SOX5: variants seen among roughly 807,000 people sequenced by gnomAD.
SOX5 encodes the protein transcription factor SOX-5.
In SOX5, 9 loss-of-function variants were observed where a neutral mutation model predicts 92.0. That is an observed-to-expected ratio of 0.10 (90% confidence interval 0.06 to 0.17). The LOEUF (loss-of-function observed/expected upper bound fraction) is 0.17. SOX5 is among the 10% of genes least tolerant of loss of function. The pLI, the probability that SOX5 is intolerant of heterozygous loss-of-function variation, is 1.00. For missense variants in SOX5, 642 were observed against 944.5 expected (o/e 0.68, Z 4.20); for synonymous variants, 344 against 336.3 (o/e 1.02, Z -0.25).
At chr12:24,528,699 C>A (rs1950924664) in intron 1 of SOX5, among the ~76,000 whole-genome samples, 1 of 152,192 alleles carries the variant, frequency 6.6e-6, no homozygotes, top group African/African-American at 2.4e-5. Flanking sequence ...CTGACCAGTT[C>A]TCTTACTTAT....
At position 23,860,952 on chromosome 12, in the gene SOX5, T is replaced by TAAAAAAAAAAAA. The variant is rs71059935; in HGVS notation, c.271-14771_271-14760dup. Among the ~76,000 whole-genome samples the TAAAAAAAAAAAA allele has an allele frequency of 7.8e-4, 36 of 45,892 alleles. No homozygotes were observed. In the East Asian group the frequency reaches 7.9e-3, roughly 10 times the overall value. The allele number at this position is 45,892 out of a possible 152,430, so 30.1% of individuals were successfully genotyped here. A position where few individuals can be genotyped will look rare whatever the true frequency, so the allele number is the denominator to read the frequency against. ...ATTTTGAAACACAAAGTATATTTTG[T>TAAAAAAAAAAAA]AAAAAAAAAAAAAAAAAAAAAAAAA... On this transcript the variant is annotated intron_variant, in intron 2 of 14. Transcript: ENST00000451604.
chr12:24,514,027 T>G (rs1469265029), intron 1 of SOX5, among the ~76,000 whole-genome samples: 1 of 152,188 alleles, frequency 6.6e-6, no homozygotes, highest in Non-Finnish European at 1.5e-5. Flanking sequence ...CTACTATCTC[T>G]TCTACAGGAC....
At chr12:24,228,115 G>C (rs534776524) in intron 3 of SOX5, among the ~76,000 whole-genome samples, 3 of 152,146 alleles carry the variant, frequency 2.0e-5, no homozygotes, top group African/African-American at 7.2e-5. Context: ...GTCTCAGAGA[G>C]AGCTCTAGAT....
rs553470468 is a variant in SOX5, at chr12:24,079,686, T to A, written c.-2+133657A>T. 2.5e-3 allele frequency among the ~76,000 whole-genome samples: 385 copies of A among 152,044 alleles called. 2 individuals are homozygous for A. Among genetic ancestry groups the A allele is most frequent in the African/African-American group, 8.8e-3 (365 of 41,514 alleles). On this transcript the variant is annotated intron_variant, in intron 4 of 4. Coordinates refer to the SOX5 transcript ENST00000446891. ...AGTCATTAAATTAATATAGTATCAA[T>A]ATACAGACAAAGTATCAATATATAG...
chr12:24,111,394 G>A (rs1218110893), intron 4 of SOX5, among the ~76,000 whole-genome samples: 2 of 152,100 alleles, frequency 1.3e-5, no homozygotes, highest in Non-Finnish European at 2.9e-5. Context: ...CAGATCTTGT[G>A]CTTACCAAGT....
chr12:23,619,913 C>T (rs2076979531), intron 8 of SOX5, among the ~76,000 whole-genome samples: 1 of 152,008 alleles, frequency 6.6e-6, no homozygotes, highest in African/African-American at 2.4e-5. Flanking sequence ...TTATAAAATG[C>T]CAGTTTCATT....
intron 4 of SOX5, among the ~76,000 whole-genome samples, chr12:23,963,908 T>C (rs1292077525): frequency 6.6e-6 from 1 of 152,012 alleles, no homozygotes; most frequent in Non-Finnish European, 1.5e-5. Context: ...TTATAACTAG[T>C]TAATAAAACA....
chr12:24,485,356 T>G (rs779594216), intron 1 of SOX5, among the ~76,000 whole-genome samples: 2 of 152,184 alleles, frequency 1.3e-5, no homozygotes, highest in Non-Finnish European at 2.9e-5. Flanking sequence ...TTACCAGTAT[T>G]TCAGATTAGG....
At chr12:23,558,317 T>C (rs1945595643) in intron 11 of SOX5, among the ~76,000 whole-genome samples, 1 of 152,196 alleles carries the variant, frequency 6.6e-6, no homozygotes, top group Non-Finnish European at 1.5e-5. Context: ...AAGATGTTCA[T>C]ATAACCCAGT....
chr12:24,258,996 A>G (rs1941677409), intron 3 of SOX5, among the ~76,000 whole-genome samples: 1 of 152,210 alleles, frequency 6.6e-6, no homozygotes, highest in Non-Finnish European at 1.5e-5. Context: ...TCCAGGATGG[A>G]AGACACTATC....
rs1298535852 is a variant in SOX5 at position 23,533,883 on chromosome 12, T to C, written c.*336A>G. ...CTGAGTGAGAATTTCTAGAACATTGTAGAACAAACAGCCATAAAGTTTATT... is the reference window on the plus strand; with the variant it reads ...CTGAGTGAGAATTTCTAGAACATTGCAGAACAAACAGCCATAAAGTTTATT... On this transcript the variant is annotated 3_prime_UTR_variant, in exon 15 of 15. Transcript: ENST00000451604. 5.1e-6 allele frequency: 1 copy of C among 196,448 alleles called. No individual in the cohort carries two copies. Among genetic ancestry groups the C allele is most frequent in the African/African-American group, 2.3e-5 (1 of 42,594 alleles). The allele number at this position is 196,448 out of a possible 1,614,324, so 12.2% of individuals were successfully genotyped here. A position where few individuals can be genotyped will look rare whatever the true frequency, so the allele number is the denominator to read the frequency against.
chr12:23,657,570 T>C (rs1311305456), intron 7 of SOX5, among the ~76,000 whole-genome samples: 1 of 152,190 alleles, frequency 6.6e-6, no homozygotes, highest in Non-Finnish European at 1.5e-5. Flanking sequence ...CGTTGTATTG[T>C]ATCATGAACT....
rs142189118 is a variant in SOX5 at position 24,431,881 on chromosome 12, G to A, written c.-250-63242C>T. ...TGATAATGGCACCTCTTGAAAATTAGCAAGATCTATAGGCTTTGATGACAG... is the reference window on the plus strand; with the variant it reads ...TGATAATGGCACCTCTTGAAAATTAACAAGATCTATAGGCTTTGATGACAG... On this transcript the variant is annotated intron_variant, in intron 1 of 4. Coordinates refer to the SOX5 transcript ENST00000446891. Among the ~76,000 whole-genome samples, 1,201 of 152,268 alleles carry A rather than the reference G, an allele frequency of 7.9e-3. 65 individuals carry two copies. Among genetic ancestry groups the A allele is most frequent in the Admixed American group, 0.073 (1,121 of 15,288 alleles).
chr12:23,776,009 C>G (rs2095087086), intron 3 of SOX5, among the ~76,000 whole-genome samples: 1 of 152,142 alleles, frequency 6.6e-6, no homozygotes, highest in Non-Finnish European at 1.5e-5. Flanking sequence ...TACCTCAGAT[C>G]ACTAGGCATT....
chr12:24,206,636 C>T (rs1958048700), intron 4 of SOX5, among the ~76,000 whole-genome samples: 1 of 151,982 alleles, frequency 6.6e-6, no homozygotes, highest in South Asian at 2.1e-4. Flanking sequence ...AGCTTCGTGA[C>T]TGGGAATTAT....
intron 1 of SOX5, among the ~76,000 whole-genome samples, chr12:24,523,726 A>T (rs1950452997): frequency 6.6e-6 from 1 of 152,238 alleles, no homozygotes; most frequent in African/African-American, 2.4e-5. Context: ...TTCATATCAG[A>T]CACAAAAAAA....
chr12:24,437,806 A>T (rs1001813655), intron 1 of SOX5, among the ~76,000 whole-genome samples: 2 of 152,236 alleles, frequency 1.3e-5, no homozygotes, highest in Non-Finnish European at 2.9e-5. Context: ...GGACATGGAG[A>T]AATAGGAATG....
chr12:23,599,115 T>C (rs1051042794), intron 9 of SOX5, among the ~76,000 whole-genome samples: 2 of 152,226 alleles, frequency 1.3e-5, no homozygotes, highest in Non-Finnish European at 2.9e-5. Context: ...ATAGGTTCCC[T>C]AATAGGAGTC....
intron 1 of SOX5, among the ~76,000 whole-genome samples, chr12:24,420,127 C>T (rs1388520734): frequency 2.0e-5 from 3 of 152,148 alleles, no homozygotes; most frequent in Non-Finnish European, 4.4e-5. Flanking sequence ...ATTTTAAATA[C>T]CTTTATTTTG....
Sources: allele counts gnomAD v4.1 joint callset (sites outside exome capture counted in the v4.1 genomes callset), GRCh38; gene constraint gnomAD v4.1.1; transcripts MANE v1.5; gene names NCBI Gene and HGNC (gene_info 2026-07-23, HGNC 2026-07-21).